ITGAM: variants seen among roughly 807,000 people sequenced by gnomAD.
The protein encoded by ITGAM is integrin subunit alpha M, also known as integrin alpha-M.
Under a neutral mutation model 137.5 loss-of-function variants are expected in ITGAM, and 79 were observed. That is an observed-to-expected ratio of 0.57 (90% confidence interval 0.48 to 0.69). The LOEUF is 0.69. Ranked by LOEUF, ITGAM falls within the 30% of genes least tolerant of loss-of-function variation. The pLI is 0.00. For synonymous variants in ITGAM, 583 were observed against 592.3 expected, an observed-to-expected ratio of 0.98 and a Z score of 0.23; for missense variants, 1,343 against 1,483.5, an observed-to-expected ratio of 0.91 and a Z score of 1.56.
At chr16:31,282,046 TC>T (rs1288574380) in intron 12 of ITGAM, among the ~76,000 whole-genome samples, 10 of 152,348 alleles carry the variant, frequency 6.6e-5, no homozygotes, top group African/African-American at 2.4e-4. Flanking sequence ...AGTTTCTTAA[TC>T]CTGAGTTCTA....
rs1345878587 is a variant in ITGAM at position 31,271,938 on chromosome 16, C to T, written c.650C>T (p.Pro217Leu). 6.2e-7 allele frequency: 1 copy of T among 1,613,964 alleles called. No individual in the cohort carries two copies. Among genetic ancestry groups the T allele is most frequent in the East Asian group, 2.2e-5 (1 of 44,874 alleles). ...CCTAACCCAAGATCACTGGTGAAGCCAATAACGCAGCTGCTTGGGCGGACA... is the reference window on the plus strand; with the variant it reads ...CCTAACCCAAGATCACTGGTGAAGCTAATAACGCAGCTGCTTGGGCGGACA... ...NNPNPRSLVK[P>L]ITQLLGRTHT... The change falls in exon 7 of 30, where the codon CCA becomes CTA. Residue 217 changes from proline (P) to leucine (L), a missense_variant. Physicochemically the swap from Pro to Leu is moderately conservative, Grantham distance 98. Coordinates refer to ENST00000544665, the MANE Select transcript of ITGAM (RefSeq NM_000632.4).
rs752162768 is a variant in ITGAM, at chr16:31,324,362, T to C, written c.2003-37T>C. On this transcript the variant is annotated intron_variant, in intron 16 of 29. Coordinates refer to ENST00000544665, the MANE Select transcript of ITGAM (RefSeq NM_000632.4). This position sits in a 1 kb window ranked among gnomAD's most constrained non-coding sequence, Gnocchi z 4.5. Reference sequence around the variant, plus strand: ...ACTCCCATCTGCCGGGTTCCGAGGCTCAGGCCCCTCACTGCTGTGCCACCC... The same window carrying C: ...ACTCCCATCTGCCGGGTTCCGAGGCCCAGGCCCCTCACTGCTGTGCCACCC... 1.8e-5 allele frequency: 28 copies of C among 1,540,054 alleles called. No individual in the cohort carries two copies. The South Asian group carries it at 3.2e-4, about 18-fold the overall frequency.
intron 12 of ITGAM, among the ~76,000 whole-genome samples, chr16:31,290,723 G>T (rs1349007027): frequency 6.6e-6 from 1 of 151,582 alleles, no homozygotes; most frequent in East Asian, 1.9e-4. Flanking sequence ...TGTACTGAAA[G>T]ACCTAGCCAA....
At chr16:31,302,910 T>TTCCC (rs1303634683) in intron 14 of ITGAM, among the ~76,000 whole-genome samples, 7 of 146,536 alleles carry the variant, frequency 4.8e-5, no homozygotes, top group African/African-American at 1.8e-4. Context: ...CTCTCTCTCT[T>TTCCC]TCCCTCCCTC....
At position 31,324,629 on chromosome 16, in the gene ITGAM, C is replaced by G; in HGVS notation, c.2158-22C>G. On this transcript the variant is annotated intron_variant, in intron 17 of 29. Coordinates refer to ENST00000544665, the MANE Select transcript of ITGAM (RefSeq NM_000632.4). This position sits in a 1 kb window ranked among gnomAD's most constrained non-coding sequence, Gnocchi z 4.5. ...TTGGGGAGCTGAGGAGGGCAGATCCCCAAATCCCGGCTATCTCTTAGAATT... is the reference window on the plus strand; with the variant it reads ...TTGGGGAGCTGAGGAGGGCAGATCCGCAAATCCCGGCTATCTCTTAGAATT... The G allele has an allele frequency of 6.2e-7, 1 of 1,606,328 alleles. No homozygotes were observed. Among genetic ancestry groups the G allele is most frequent in the Middle Eastern group, 1.7e-4 (1 of 6,020 alleles).
In ITGAM at chr16:31,265,482, G is replaced by A; in HGVS notation, c.222G>A (p.Glu74=). The A allele has an allele frequency of 1.3e-6, 2 of 1,599,854 alleles. No homozygotes were observed. Among genetic ancestry groups the A allele is most frequent in the Non-Finnish European group, 1.7e-6 (2 of 1,173,474 alleles). ...YQCDYSTGSC[E]PIRLQVPVEA... is the part of the protein sequence containing the mutation. ...GCGACTACAGCACAGGCTCATGCGA[G>A]CCCATCCGCCTGCAGGGTGAGTCAC... The change falls in exon 3 of 30, where the codon GAG becomes GAA. Residue 74 remains glutamate (E), a synonymous_variant. Coordinates refer to ENST00000544665, the MANE Select transcript of ITGAM (RefSeq NM_000632.4).
At chr16:31,281,702 T>A (rs1307184597) in intron 12 of ITGAM, among the ~76,000 whole-genome samples, 1 of 152,234 alleles carries the variant, frequency 6.6e-6, no homozygotes, top group African/African-American at 2.4e-5. Context: ...TGAAGGGTTT[T>A]TTGTGTCTCT....
chr16:31,263,668 T>TC (rs1353118288), intron 2 of ITGAM, among the ~76,000 whole-genome samples: 3 of 149,974 alleles, frequency 2.0e-5, no homozygotes, highest in African/African-American at 7.3e-5. Context: ...TTTCTTTCTT[T>TC]TTTTTTTTTT....
chr16:31,295,485 C>T (rs2144372645), intron 12 of ITGAM, among the ~76,000 whole-genome samples: 1 of 151,646 alleles, frequency 6.6e-6, no homozygotes, highest in East Asian at 1.9e-4. Flanking sequence ...ATTTCTTTTT[C>T]AGATAGTTCA....
In ITGAM at chr16:31,330,797, C is replaced by G. The variant is rs1357101630; in HGVS notation, c.3276+192C>G. Among the ~76,000 whole-genome samples, 8 of 53,914 alleles carry G rather than the reference C, an allele frequency of 1.5e-4. No individual in the cohort carries two copies. The East Asian group carries it at 5.7e-3, about 39-fold the overall frequency. The allele number at this position is 53,914 out of a possible 152,430, so 35.4% of individuals were successfully genotyped here. On this transcript the variant is annotated intron_variant, in intron 28 of 29. Coordinates refer to ENST00000544665, the MANE Select transcript of ITGAM (RefSeq NM_000632.4). ...AGATAGAGGCAGAGGGAGAAACAGA[C>G]ACAGAGACAGACAAAGGAGAGAGAG... is the stretch of plus-strand genomic sequence containing the variant.
intron 12 of ITGAM, among the ~76,000 whole-genome samples, chr16:31,287,437 A>C (rs1333439043): frequency 6.6e-6 from 1 of 152,202 alleles, no homozygotes; most frequent in Non-Finnish European, 1.5e-5. Context: ...AATAGCATTG[A>C]ATCTGCAAAT....
rs371921498 is a variant in ITGAM, at chr16:31,330,560, C to T, written c.3231C>T (p.Ser1077=). The change falls in exon 28 of 30, where the codon TCC becomes TCT. Residue 1077 remains serine, a synonymous_variant. Coordinates refer to ENST00000544665, the MANE Select transcript of ITGAM (RefSeq NM_000632.4). ...CAGCTGAGATCTTGTTTAACGATTCCGTGTTCACCCTGCTGCCGGGACAGG... is the reference window on the plus strand; with the variant it reads ...CAGCTGAGATCTTGTTTAACGATTCTGTGTTCACCCTGCTGCCGGGACAGG... ...VSTAEILFND[S]VFTLLPGQGA... 5.4e-5 allele frequency: 87 copies of T among 1,613,226 alleles called. No homozygotes were observed. The African/African-American group carries it at 9.1e-4, about 17-fold the overall frequency.
intron 5 of ITGAM, among the ~76,000 whole-genome samples, chr16:31,268,634 C>T (rs772783481): frequency 8.5e-5 from 13 of 152,198 alleles, no homozygotes; most frequent in Admixed American, 5.9e-4. Flanking sequence ...CAAATCATCT[C>T]ACTTCCTTTT....
intron 14 of ITGAM, among the ~76,000 whole-genome samples, chr16:31,305,824 T>C (rs1375030452): frequency 1.3e-5 from 2 of 152,326 alleles, no homozygotes; most frequent in Admixed American, 6.5e-5. Context: ...GACTTGATCA[T>C]GATGTATTAT....
At chr16:31,311,650 G>T (rs1254961313) in intron 14 of ITGAM, among the ~76,000 whole-genome samples, 1 of 152,206 alleles carries the variant, frequency 6.6e-6, no homozygotes, top group East Asian at 1.9e-4. Flanking sequence ...TGTTGGAGAG[G>T]ATGTGGAGAA....
chr16:31,271,601 C>T (rs1596977674), intron 6 of ITGAM, among the ~76,000 whole-genome samples: 1 of 152,238 alleles, frequency 6.6e-6, no homozygotes, highest in Non-Finnish European at 1.5e-5. Context: ...GATCCACCCG[C>T]CTCGGCTTCC....
At chr16:31,260,387 C>T (rs1034149211) in intron 1 of ITGAM, among the ~76,000 whole-genome samples, 4 of 152,094 alleles carry the variant, frequency 2.6e-5, no homozygotes, top group South Asian at 4.1e-4. Context: ...GCTCAGGGTG[C>T]GCAGCAGGTG....
At chr16:31,262,328 C>A (rs932460329) in intron 2 of ITGAM, among the ~76,000 whole-genome samples, 5 of 138,666 alleles carry the variant, frequency 3.6e-5, no homozygotes, top group Admixed American at 7.1e-5. Context: ...CCTCCCTTCC[C>A]TCCCTTCCAT....
chr16:31,314,847 G>C (rs1374795294), intron 14 of ITGAM, among the ~76,000 whole-genome samples: 1 of 146,256 alleles, frequency 6.8e-6, no homozygotes, highest in Non-Finnish European at 1.5e-5. Context: ...TTTTGAGATG[G>C]AGTCTCAGTC....
Sources: gnomAD v4.1 joint callset for allele counts (sites outside exome capture counted in the v4.1 genomes callset) on GRCh38, gnomAD v4.1.1 for gene constraint, Gnocchi (gnomAD v3.1) non-coding constraint, MANE v1.5 for transcripts, NCBI Gene and HGNC (gene_info 2026-07-23, HGNC 2026-07-21) for gene names.